CORO2B: variants seen among roughly 807,000 people sequenced by gnomAD.
CORO2B encodes coronin 2B.
Under a neutral mutation model 58.8 loss-of-function variants are expected in CORO2B, and 26 were observed. The observed-to-expected ratio is 0.44, with a 90% CI of 0.32 to 0.61. The LOEUF is 0.61. Among genes scored for constraint, CORO2B ranks in the 20% least tolerant of loss-of-function variants. The pLI, the probability that CORO2B is intolerant of heterozygous loss-of-function variation, is 0.04. For missense variants in CORO2B, 460 were observed against 645.1 expected (o/e 0.71, Z 3.11); for synonymous variants, 242 against 253.8 (o/e 0.95, Z 0.44).
At chr15:68,581,062 G>A in intron 1 of CORO2B, among the ~76,000 whole-genome samples, 1 of 152,228 alleles carries the variant, frequency 6.6e-6, no homozygotes, top group East Asian at 1.9e-4. Flanking sequence ...CTGGCTACTG[G>A]GGGACTTCCA....
intron 2 of CORO2B, among the ~76,000 whole-genome samples, chr15:68,689,813 A>T (rs1484179713): frequency 1.3e-5 from 2 of 152,244 alleles, no homozygotes; most frequent in Non-Finnish European, 2.9e-5. Flanking sequence ...TATGTTTGTT[A>T]AAGTAATAAA....
intron 2 of CORO2B, among the ~76,000 whole-genome samples, chr15:68,690,754 A>G (rs1343578007): frequency 6.6e-6 from 1 of 150,410 alleles, no homozygotes; most frequent in Non-Finnish European, 1.5e-5. Flanking sequence ...GGCTCAAGCA[A>G]TCCTCCCACC....
At chr15:68,630,146 G>A (rs759235938) in intron 1 of CORO2B, among the ~76,000 whole-genome samples, 12 of 152,306 alleles carry the variant, frequency 7.9e-5, no homozygotes, top group South Asian at 4.1e-4. Context: ...GGCTTCTGTA[G>A]CAATGACAGC....
At chr15:68,604,846 T>C (rs1036942825) in intron 1 of CORO2B, among the ~76,000 whole-genome samples, 1 of 152,238 alleles carries the variant, frequency 6.6e-6, no homozygotes, top group Non-Finnish European at 1.5e-5. Flanking sequence ...CTGGGCATGG[T>C]GGCTCACGCC....
intron 1 of CORO2B, chr15:68,632,261 C>G (rs891836969): frequency 1.0e-5 from 10 of 985,388 alleles, no homozygotes; most frequent in African/African-American, 8.7e-5. Context: ...TAGCTGGCAG[C>G]CCTGACAACT....
At chr15:68,686,025 T>A (rs1337457749) in intron 2 of CORO2B, among the ~76,000 whole-genome samples, 1 of 150,468 alleles carries the variant, frequency 6.6e-6, no homozygotes, top group African/African-American at 2.4e-5. Flanking sequence ...CTTCTGTTTT[T>A]TTTTTTTTTT....
At chr15:68,560,937 G>A in the CORO2B span, among the ~76,000 whole-genome samples, 2 of 152,288 alleles carry the variant, frequency 1.3e-5, no homozygotes, top group East Asian at 3.9e-4. Context: ...GGTTTCCCAT[G>A]GCACAGCCCG....
chr15:68,599,685 C>T (rs1281001688), intron 1 of CORO2B, among the ~76,000 whole-genome samples: 1 of 152,198 alleles, frequency 6.6e-6, no homozygotes, highest in Non-Finnish European at 1.5e-5. Flanking sequence ...CCCCTCAGAC[C>T]TTCCACCCAA....
At chr15:68,677,082 G>A (rs563958632) in intron 2 of CORO2B, among the ~76,000 whole-genome samples, 1 of 152,260 alleles carries the variant, frequency 6.6e-6, no homozygotes, top group Admixed American at 6.5e-5. Flanking sequence ...TCCAAGACCT[G>A]TTTTTGCAGC....
At chr15:68,598,790 A>G (rs1360717561) in intron 1 of CORO2B, among the ~76,000 whole-genome samples, 1 of 152,176 alleles carries the variant, frequency 6.6e-6, no homozygotes, top group African/African-American at 2.4e-5. Flanking sequence ...TTGTACAGAA[A>G]CGCTGCCAAA....
rs1367515194 is a variant in CORO2B, at chr15:68,719,464, T to C, written c.1223T>C (p.Val408Ala). The change falls in exon 11 of 12, where the codon GTA (valine) becomes GCA (alanine). Residue 408 changes from valine to alanine, a missense_variant. Transcript: ENST00000261861. ...GGCTATAAGAAGTCCTCAAAAATGG[T>C]ATTTAAGGCTCCCATCAAAGAAAAG... ...KEGYKKSSKMVFKAPIKEKKS... is the reference protein window; with the variant it reads ...KEGYKKSSKMAFKAPIKEKKS... 6.2e-7 allele frequency: 1 copy of C among 1,614,186 alleles called. No individual in the cohort carries two copies. Among genetic ancestry groups the C allele is most frequent in the Non-Finnish European group, 8.5e-7 (1 of 1,180,018 alleles).
chr15:68,720,869 A>G (rs982829647), intron 11 of CORO2B, among the ~76,000 whole-genome samples: 4 of 152,186 alleles, frequency 2.6e-5, no homozygotes, highest in Admixed American at 2.6e-4. Context: ...TAGACAGTCT[A>G]TACCACCAAC....
intron 1 of CORO2B, among the ~76,000 whole-genome samples, chr15:68,627,130 T>A (rs1208720166): frequency 6.6e-6 from 1 of 152,236 alleles, no homozygotes; most frequent in Non-Finnish European, 1.5e-5. Flanking sequence ...GAGGACTAAA[T>A]TAGTTAATTC....
chr15:68,724,480 A>G (rs1893244300), intron 11 of CORO2B, among the ~76,000 whole-genome samples: 1 of 152,176 alleles, frequency 6.6e-6, no homozygotes, highest in South Asian at 2.1e-4. Context: ...GGTAAAATTC[A>G]TCCTCTGTAG....
At chr15:68,544,303 G>A in the CORO2B span, among the ~76,000 whole-genome samples, 4 of 152,198 alleles carry the variant, frequency 2.6e-5, no homozygotes, top group African/African-American at 7.2e-5. Flanking sequence ...AACATGCAGT[G>A]TGTGTGCATG....
upstream of CORO2B, among the ~76,000 whole-genome samples, chr15:68,575,239 G>A (rs934832769): frequency 1.2e-4 from 19 of 152,270 alleles, no homozygotes; most frequent in African/African-American, 4.1e-4. Flanking sequence ...ATAAACACCC[G>A]CTAGGCTGAC....
At chr15:68,554,031 C>T in the CORO2B span, among the ~76,000 whole-genome samples, 1 of 152,138 alleles carries the variant, frequency 6.6e-6, no homozygotes, top group South Asian at 2.1e-4. Flanking sequence ...GGAGGCTGAG[C>T]AGTAGTCCAG....
At chr15:68,587,447 A>G (rs1194053074) in intron 1 of CORO2B, among the ~76,000 whole-genome samples, 8 of 152,046 alleles carry the variant, frequency 5.3e-5, no homozygotes, top group Non-Finnish European at 4.4e-5. Context: ...AACTCCGGAG[A>G]TGTCTGAGGT....
At chr15:68,600,258 C>G (rs1263028046) in intron 1 of CORO2B, among the ~76,000 whole-genome samples, 3 of 152,216 alleles carry the variant, frequency 2.0e-5, no homozygotes, top group African/African-American at 7.2e-5. Context: ...AATTGCACTC[C>G]TCCGTGGAGG....
Sources: gnomAD v4.1 joint callset for allele counts (sites outside exome capture counted in the v4.1 genomes callset) on GRCh38, gnomAD v4.1.1 for gene constraint, MANE v1.5 for transcripts, NCBI Gene and HGNC (gene_info 2026-07-23, HGNC 2026-07-21) for gene names.